The following CD33 variants were observed in gnomAD, a reference collection of about 807,000 sequenced individuals.
The protein encoded by CD33 is myeloid cell surface antigen CD33.
Under a neutral mutation model 31.4 loss-of-function variants are expected in CD33, and 25 were observed. The observed-to-expected ratio is 0.80, with a 90% CI of 0.58 to 1.11. The LOEUF (loss-of-function observed/expected upper bound fraction) is 1.11, where lower values mean the gene tolerates loss of function less well. Ranked by LOEUF, CD33 falls within the 50% of genes most tolerant of loss-of-function variation. CD33 has a pLI of 0.00. For synonymous variants in CD33, 176 were observed against 180.6 expected (o/e 0.97, Z 0.20); for missense variants, 407 against 448.1 (o/e 0.91, Z 0.83).
rs1356680869 is a variant in CD33 at position 51,225,532 on chromosome 19, T to C, written c.352T>C (p.Phe118Leu). The C allele has an allele frequency of 6.2e-7, 1 of 1,601,936 alleles. No individual in the cohort carries two copies. The highest frequency in any genetic ancestry group is 8.5e-7 in the Non-Finnish European group (1 of 1,173,730). ...GAGGAGGGATAATGGTTCATACTTC[T>C]TTCGGATGGAGAGAGGAAGTACCAA... ...ARRRDNGSYF[F>L]RMERGSTKYS... The change falls in exon 2 of 7, where the codon TTT becomes CTT. Residue 118 changes from phenylalanine to leucine, a missense_variant. Physicochemically the swap from Phe to Leu is conservative, Grantham distance 22 (BLOSUM62 0). Transcript: ENST00000262262.
rs774887246 is a variant in CD33, at chr19:51,235,294, G to A, written c.842+41G>A. 160 of 1,567,502 alleles carry A rather than the reference G, an allele frequency of 1.0e-4. 1 individual carries two copies. In the South Asian group the frequency reaches 1.5e-3, roughly 15 times the overall value. ...GGGTCAGGCATGGGCCAGAGGTGAA[G>A]AGGATGGACCTGGTGTAGAAGGGTC... On this transcript the variant is annotated intron_variant, in intron 5 of 6. Coordinates refer to ENST00000262262, the MANE Select transcript of CD33 (RefSeq NM_001772.4).
the CD33 span, among the ~76,000 whole-genome samples, chr19:51,215,407 A>G: frequency 3.3e-5 from 5 of 152,114 alleles, no homozygotes; most frequent in African/African-American, 1.2e-4. Context: ...TGCAGCGCAC[A>G]GGGAGGTGAG....
the CD33 span, among the ~76,000 whole-genome samples, chr19:51,213,785 C>G: frequency 6.6e-6 from 1 of 151,972 alleles, no homozygotes; most frequent in African/African-American, 2.4e-5. Context: ...ATCTGCCTGC[C>G]TCGGCCTCCC....
chr19:51,228,339 G>T (rs538305303), intron 4 of CD33, among the ~76,000 whole-genome samples: 1 of 152,246 alleles, frequency 6.6e-6, no homozygotes, highest in African/African-American at 2.4e-5. Context: ...TGAATCTGTA[G>T]ATTTCTTTGG....
At chr19:51,233,111 G>C (rs1981535929) in intron 4 of CD33, among the ~76,000 whole-genome samples, 2 of 152,194 alleles carry the variant, frequency 1.3e-5, no homozygotes, top group South Asian at 4.1e-4. Flanking sequence ...TGTTTCTCAG[G>C]CCCTAATTGT....
In CD33 at chr19:51,239,449, C is replaced by A. The variant is rs1447793119; in HGVS notation, c.925-69C>A. On this transcript the variant is annotated intron_variant, in intron 6 of 6. Coordinates refer to ENST00000262262, the MANE Select transcript of CD33 (RefSeq NM_001772.4). ...GTCAGAGTCAAATTTACTTCATTGA[C>A]CCTCTTTGCCTTCTCCTGGTCCCCC... is the stretch of plus-strand genomic sequence containing the variant. 2.6e-5 allele frequency: 31 copies of A among 1,199,326 alleles called. No individual in the cohort carries two copies. In the Middle Eastern group the frequency reaches 6.0e-4, roughly 23 times the overall value. 74.3% of individuals were successfully genotyped at this position (1,199,326 alleles called of 1,614,324 possible).
upstream of CD33, among the ~76,000 whole-genome samples, chr19:51,224,558 C>T (rs1265660790): frequency 2.6e-5 from 4 of 152,152 alleles, no homozygotes; most frequent in Admixed American, 6.5e-5. Context: ...GACGGTGCTC[C>T]TGCTCTGTCA....
At chr19:51,212,041 C>T in the CD33 span, 16 of 871,294 alleles carry the variant, frequency 1.8e-5, 1 homozygote, top group South Asian at 9.1e-5. Flanking sequence ...GGTGTGACCA[C>T]GGAGAGAACC....
the CD33 span, chr19:51,212,025 G>A: frequency 1.3e-5 from 12 of 947,982 alleles, no homozygotes; most frequent in South Asian, 2.5e-5. Flanking sequence ...GACGTTCCCC[G>A]GAGCTGGTGT....
intron 5 of CD33, 25 bp downstream of exon 5, chr19:51,235,278 A>G (rs970876038): frequency 7.5e-6 from 12 of 1,595,670 alleles, no homozygotes; most frequent in Non-Finnish European, 1.0e-5. Flanking sequence ...TGGGTCAGGC[A>G]TGGGCCAGAG....
chr19:51,231,419 T>A (rs2123254110), intron 4 of CD33, among the ~76,000 whole-genome samples: 1 of 152,392 alleles, frequency 6.6e-6, no homozygotes, highest in South Asian at 2.1e-4. Context: ...CCCAACAAGC[T>A]GAGTCTAGAT....
upstream of CD33, among the ~76,000 whole-genome samples, chr19:51,221,459 C>CA (rs1980686279): frequency 6.6e-6 from 1 of 151,936 alleles, no homozygotes; most frequent in Non-Finnish European, 1.5e-5. Context: ...GAAAACAAAA[C>CA]AAAAATAAAA....
chr19:51,211,198 T>C, the CD33 span: 2 of 1,579,850 alleles, frequency 1.3e-6, no homozygotes, highest in Non-Finnish European at 1.7e-6. Context: ...TGACCCTCGT[T>C]TCCCCACAGG....
chr19:51,231,939 T>G (rs929153646), intron 4 of CD33, among the ~76,000 whole-genome samples: 1 of 151,978 alleles, frequency 6.6e-6, no homozygotes, highest in East Asian at 1.9e-4. Flanking sequence ...TTGTGTTTCT[T>G]GTAGAGGTAG....
intron 6 of CD33, chr19:51,237,046 A>C (rs1981854348): frequency 6.6e-6 from 1 of 152,256 alleles, no homozygotes; most frequent in Non-Finnish European, 1.5e-5. Flanking sequence ...TTAGCCACTC[A>C]ATCACCTCAA....
Position 51,239,598 on chromosome 19 carries a change from T to G in CD33, c.1005T>G (p.Asp335Glu), listed in dbSNP as rs1473845532. The G allele has an allele frequency of 1.9e-6, 3 of 1,613,800 alleles. No homozygotes were observed. ...GTGCCGCCCCTACTGTGGAGATGGA[T>G]GAGGAGCTGCATTATGCTTCCCTCA... ...CSGAAPTVEM[D>E]EELHYASLNF... The change falls in exon 7 of 7, where the codon GAT (aspartate) becomes GAG (glutamate). Residue 335 changes from aspartate (D) to glutamate (E), a missense_variant. Transcript: ENST00000262262.
At chr19:51,213,222 G>C in the CD33 span, among the ~76,000 whole-genome samples, 1 of 152,082 alleles carries the variant, frequency 6.6e-6, no homozygotes. Flanking sequence ...GACAATTGTT[G>C]TGTCCGTGTA....
At chr19:51,235,913 C>G (rs924256870) in intron 6 of CD33, 27 of 701,210 alleles carry the variant, frequency 3.9e-5, no homozygotes, top group Non-Finnish European at 5.7e-5. Context: ...AATCCCAGCA[C>G]CTTTGGAGGC....
At chr19:51,225,000 A>G (rs1269341995), upstream of CD33, 3 of 1,274,664 alleles carry the variant, frequency 2.4e-6, no homozygotes, top group Non-Finnish European at 1.1e-6. Context: ...TTCCTCTTCC[A>G]TGCAGGGCTG....
Sources: gnomAD v4.1 joint callset for allele counts (sites outside exome capture counted in the v4.1 genomes callset) on GRCh38, gnomAD v4.1.1 for gene constraint, MANE v1.5 for transcripts, NCBI Gene and HGNC (gene_info 2026-07-23, HGNC 2026-07-21) for gene names.